Variants in LRRTM4 observed in about 807,000 individuals in gnomAD.
LRRTM4 encodes leucine rich repeat transmembrane neuronal 4.
A neutral mutation model predicts 47.6 loss-of-function variants in LRRTM4; 25 were observed. The observed-to-expected ratio is 0.53, with a 90% confidence interval of 0.38 to 0.73. The LOEUF is 0.73. Among genes scored for constraint, LRRTM4 ranks in the 30% least tolerant of loss-of-function variants. LRRTM4 has a pLI of 0.00. For synonymous variants in LRRTM4, 311 were observed against 269.5 expected (o/e 1.15, Z -1.51); for missense variants, 638 against 713.4 (o/e 0.89, Z 1.20).
chr2:77,377,109 C>T (rs1355094703), intron 3 of LRRTM4, among the ~76,000 whole-genome samples: 2 of 151,770 alleles, frequency 1.3e-5, no homozygotes, highest in Non-Finnish European at 2.9e-5. Context: ...AGTCAATTTA[C>T]GTTGCTCCTG....
At chr2:77,473,615 G>A (rs1431670305) in intron 3 of LRRTM4, among the ~76,000 whole-genome samples, 1 of 152,076 alleles carries the variant, frequency 6.6e-6, no homozygotes, top group Non-Finnish European at 1.5e-5. Context: ...CAGACCTTGA[G>A]CTTTAGTTTT....
chr2:77,308,332 T>G (rs1677349182), intron 3 of LRRTM4, among the ~76,000 whole-genome samples: 1 of 151,920 alleles, frequency 6.6e-6, no homozygotes, highest in Admixed American at 6.6e-5. Flanking sequence ...TGTTTTACAA[T>G]TTAAGTTTCA....
chr2:77,131,043 C>A, intron 3 of LRRTM4, among the ~76,000 whole-genome samples: 1 of 149,112 alleles, frequency 6.7e-6, no homozygotes. Context: ...ACCGTTTTAG[C>A]CGGGATGGTC....
At chr2:77,162,181 C>T (rs1444514782) in intron 3 of LRRTM4, among the ~76,000 whole-genome samples, 5 of 152,308 alleles carry the variant, frequency 3.3e-5, no homozygotes, top group African/African-American at 1.2e-4. Flanking sequence ...ATATCCCATG[C>T]CTGGCTCAGA....
chr2:76,771,203 A>T (rs572350028), intron 3 of LRRTM4, among the ~76,000 whole-genome samples: 3 of 152,340 alleles, frequency 2.0e-5, no homozygotes, highest in African/African-American at 7.2e-5. Context: ...CAATTCAAAG[A>T]AATGATTAAA....
At chr2:76,966,265 G>A (rs1400938153) in intron 3 of LRRTM4, among the ~76,000 whole-genome samples, 1 of 151,230 alleles carries the variant, frequency 6.6e-6, no homozygotes, top group Non-Finnish European at 1.5e-5. Context: ...TCTAGTATCA[G>A]GTGAAATAGG....
chr2:77,089,849 G>A (rs962569169), intron 3 of LRRTM4, among the ~76,000 whole-genome samples: 10 of 152,196 alleles, frequency 6.6e-5, no homozygotes, highest in Non-Finnish European at 1.2e-4. Flanking sequence ...AATTCTTGTC[G>A]TAAAATAGGC....
At chr2:77,197,861 G>A (rs1244830440) in intron 3 of LRRTM4, among the ~76,000 whole-genome samples, 1 of 152,130 alleles carries the variant, frequency 6.6e-6, no homozygotes, top group Non-Finnish European at 1.5e-5. Flanking sequence ...TCCTTGCAAA[G>A]GCATAGAGAA....
In LRRTM4 at chr2:77,267,952, T is replaced by C. The variant is rs1285027434; in HGVS notation, c.1551+250366A>G. ...AATGATTAGGCATTATAACATTTTTTTCCTTTATACATCTCTGGCTATTGA... is the reference window on the plus strand; with the variant it reads ...AATGATTAGGCATTATAACATTTTTCTCCTTTATACATCTCTGGCTATTGA... On this transcript the variant is annotated intron_variant, in intron 3 of 3. Transcript: ENST00000409884. Among the ~76,000 whole-genome samples, 4 of 152,146 alleles carry C rather than the reference T, an allele frequency of 2.6e-5. No individual in the cohort carries two copies. In the East Asian group the frequency reaches 7.7e-4, roughly 29 times the overall value.
chr2:77,123,213 C>CAGAGAGAGAG (rs56149151), intron 3 of LRRTM4, among the ~76,000 whole-genome samples: 4,383 of 142,878 alleles, frequency 0.031, 197 homozygotes, highest in African/African-American at 0.1. Context: ...TTCAGTCTCA[C>CAGAGAGAGAG]AGAGAGAGAG....
intron 3 of LRRTM4, among the ~76,000 whole-genome samples, chr2:77,291,235 A>C (rs1182934140): frequency 1.3e-5 from 2 of 152,196 alleles, no homozygotes; most frequent in East Asian, 3.9e-4. Context: ...TTGGGGGTTA[A>C]TAAAAATTGT....
intron 3 of LRRTM4, among the ~76,000 whole-genome samples, chr2:77,151,286 G>A (rs1009937673): frequency 1.3e-5 from 2 of 152,202 alleles, no homozygotes; most frequent in South Asian, 2.1e-4. Context: ...ATCTGGCATT[G>A]TTGAAACTTT....
chr2:77,374,845 C>G (rs1672773714), intron 3 of LRRTM4, among the ~76,000 whole-genome samples: 1 of 151,650 alleles, frequency 6.6e-6, no homozygotes, highest in African/African-American at 2.4e-5. Flanking sequence ...GTGAAAAACT[C>G]TCTCATCTCT....
chr2:76,949,408 T>C (rs1675428834), intron 3 of LRRTM4, among the ~76,000 whole-genome samples: 1 of 151,916 alleles, frequency 6.6e-6, no homozygotes, highest in Non-Finnish European at 1.5e-5. Flanking sequence ...GAGCTCAATA[T>C]AATGCAAGGT....
At chr2:77,340,796 T>C (rs534660236) in intron 3 of LRRTM4, among the ~76,000 whole-genome samples, 4 of 152,082 alleles carry the variant, frequency 2.6e-5, no homozygotes, top group African/African-American at 7.2e-5. Flanking sequence ...AGTTGTTTAA[T>C]AGAATAAAAA....
chr2:77,175,684 T>G (rs1271133472), intron 3 of LRRTM4, among the ~76,000 whole-genome samples: 1 of 152,152 alleles, frequency 6.6e-6, no homozygotes, highest in Non-Finnish European at 1.5e-5. Context: ...GTTCAGGGCC[T>G]TTGCAGCCTC....
chr2:77,060,489 T>A (rs1679752052), intron 3 of LRRTM4, among the ~76,000 whole-genome samples: 1 of 152,186 alleles, frequency 6.6e-6, no homozygotes, highest in Non-Finnish European at 1.5e-5. Context: ...TAATCTAAGA[T>A]AATATGGCTG....
intron 3 of LRRTM4, among the ~76,000 whole-genome samples, chr2:76,892,097 C>CA (rs1483388628): frequency 6.6e-6 from 1 of 151,296 alleles, no homozygotes; most frequent in Non-Finnish European, 1.5e-5. Flanking sequence ...ATTTAAAATA[C>CA]AAAAAATAAA....
Position 77,019,479 on chromosome 2 carries a change from G to T in LRRTM4, c.1552-270563C>A, listed in dbSNP as rs1160419822. 2.0e-5 allele frequency among the ~76,000 whole-genome samples: 3 copies of T among 152,010 alleles called. No homozygotes were observed. The East Asian group carries it at 5.8e-4, about 29-fold the overall frequency. On this transcript the variant is annotated intron_variant, in intron 3 of 3. Coordinates refer to ENST00000409884, the MANE Select transcript of LRRTM4 (RefSeq NM_001134745.3). ...GGTTATAAACCTTTTCTAAGCCTCA[G>T]TGACTACACCAGTGAAATAATACTA...
Sources: gnomAD v4.1 joint callset for allele counts (sites outside exome capture counted in the v4.1 genomes callset) on GRCh38, gnomAD v4.1.1 for gene constraint, MANE v1.5 for transcripts, NCBI Gene and HGNC (gene_info 2026-07-23, HGNC 2026-07-21) for gene names.